Variants in MCIDAS observed in about 807,000 individuals in gnomAD.
MCIDAS encodes the protein multicilin.
MCIDAS carries 23 observed loss-of-function variants against 35.4 expected under a neutral mutation model. The observed-to-expected ratio is 0.65, with a 90% CI of 0.47 to 0.92. The LOEUF (loss-of-function observed/expected upper bound fraction) is 0.92. MCIDAS is among the 40% of genes least tolerant of loss of function. MCIDAS has a pLI of 0.00. For synonymous variants in MCIDAS, 228 were observed against 235.2 expected (o/e 0.97, Z 0.28); for missense variants, 480 against 531.8 (o/e 0.90, Z 0.96).
At chr5:55,220,873 A>G (rs902677750) in intron 6 of MCIDAS, 67 bp from the exon 7 acceptor site, 17 of 1,477,344 alleles carry the variant, frequency 1.2e-5, no homozygotes, top group Non-Finnish European at 1.4e-5. Flanking sequence ...AGCGTGCAAA[A>G]GGTGACCTAG....
chr5:55,226,706 C>G, intron 2 of MCIDAS, 39 bp from the exon 3 acceptor site: 1 of 1,441,310 alleles, frequency 6.9e-7, no homozygotes, highest in South Asian at 1.4e-5. Context: ...CGGGCGGGCC[C>G]TGAGCCTCTC....
chr5:55,226,729 A>G, intron 2 of MCIDAS, 62 bp from the exon 3 acceptor site: 1 of 1,419,570 alleles, frequency 7.0e-7, no homozygotes, highest in Non-Finnish European at 9.2e-7. Flanking sequence ...CCAGGCTCGC[A>G]GCTAGGACGT....
chr5:55,220,899 C>T lies in MCIDAS; in HGVS notation c.718-93G>A, dbSNP rs1745343305. On this transcript the variant is annotated intron_variant, in intron 6 of 6. Transcript: ENST00000513312. Reference sequence around the variant, plus strand: ...GGTGACCTAGGCGCGCTACGCACCACGCACTCAGCGGTACTCTCCTCTCCC... The same window carrying T: ...GGTGACCTAGGCGCGCTACGCACCATGCACTCAGCGGTACTCTCCTCTCCC... The T allele has an allele frequency of 3.4e-6, 5 of 1,449,646 alleles. No individual in the cohort carries two copies. In the South Asian group the frequency reaches 6.7e-5, roughly 19 times the overall value. 89.8% of individuals were successfully genotyped at this position (1,449,646 alleles called of 1,614,324 possible). A position where few individuals can be genotyped will look rare whatever the true frequency, so the allele number is the denominator to read the frequency against.
rs1745326516 is a variant in MCIDAS at position 55,220,331 on chromosome 5, A to T, written c.*35T>A. On this transcript the variant is annotated 3_prime_UTR_variant, in exon 7 of 7. Coordinates refer to ENST00000513312, the MANE Select transcript of MCIDAS (RefSeq NM_001190787.3). ...GAAGCCCCCAGGCACTTCAGTGGAAACACAGGGCAGTGTTTTGGGGGACCA... is the reference window on the plus strand; with the variant it reads ...GAAGCCCCCAGGCACTTCAGTGGAATCACAGGGCAGTGTTTTGGGGGACCA... 2 of 1,504,878 alleles carry T rather than the reference A, an allele frequency of 1.3e-6. 1 individual carries two copies. The allele number at this position is 1,504,878 out of a possible 1,614,324, so 93.2% of individuals were successfully genotyped here.
intron 3 of MCIDAS, among the ~76,000 whole-genome samples, chr5:55,224,357 TTAAAA>T (rs1386660052): frequency 5.3e-5 from 8 of 152,164 alleles, no homozygotes; most frequent in African/African-American, 1.9e-4. Flanking sequence ...TTCTTTACTA[TTAAAA>T]TATTTCTGGG....
chr5:55,222,402 G>A lies in MCIDAS; in HGVS notation c.383-3C>T. 1 of 1,475,976 alleles carries A rather than the reference G, an allele frequency of 6.8e-7. No individual in the cohort carries two copies. Among genetic ancestry groups the A allele is most frequent in the Non-Finnish European group, 9.0e-7 (1 of 1,116,376 alleles). 91.4% of individuals were successfully genotyped at this position (1,475,976 alleles called of 1,614,324 possible). ...AGGCGACATCATAGAGGATGAGTCT[G>A]GAGAAGAGCAGGAGCTGGATTTGCA... On this transcript the variant is annotated splice_region_variant and splice_polypyrimidine_tract_variant and intron_variant, in intron 4 of 6. Coordinates refer to ENST00000513312, the MANE Select transcript of MCIDAS (RefSeq NM_001190787.3).
chr5:55,220,582 G>A lies in MCIDAS; in HGVS notation c.942C>T (p.Thr314=). ...AGGCGCCATGCAGGTTCCCGGGCCT[G>A]GTGTCAGTATTCGCGGGCTCTGGCA... ...RLLPEPANTD[T]RPGNLHGAFR... Residue 314 remains threonine (T), a synonymous_variant, in exon 7 of 7, where the codon ACC becomes ACT. Transcript: ENST00000513312. The A allele has an allele frequency of 6.5e-7, 1 of 1,536,114 alleles. No homozygotes were observed. Among genetic ancestry groups the A allele is most frequent in the Non-Finnish European group, 8.7e-7 (1 of 1,146,874 alleles).
At chr5:55,226,718 G>A in intron 2 of MCIDAS, 51 bp from the exon 3 acceptor site, 1 of 1,424,170 alleles carries the variant, frequency 7.0e-7, no homozygotes, top group Non-Finnish European at 9.1e-7. Context: ...GAGCCTCTCC[G>A]CCAGGCTCGC....
rs1745338949 is a variant in MCIDAS, at chr5:55,220,746, CCTTG to C, written c.774_777del (p.Lys259ArgfsTer25). On this transcript the variant is annotated frameshift_variant, in exon 7 of 7. Transcript: ENST00000513312. LOFTEE classifies it high-confidence loss of function. ...TCCTCCAGGCTCCTTTTGGCCTTCGCCTTGAGCAGGAAGGGCTCGGCCGCCGCCC... is the reference window on the plus strand; with the variant it reads ...TCCTCCAGGCTCCTTTTGGCCTTCGCAGCAGGAAGGGCTCGGCCGCCGCCC... The C allele has an allele frequency of 1.3e-6, 2 of 1,535,218 alleles. No individual in the cohort carries two copies. The highest frequency in any genetic ancestry group is 1.7e-6 in the Non-Finnish European group (2 of 1,146,254).
At chr5:55,224,606 G>T (rs1745422639) in intron 3 of MCIDAS, among the ~76,000 whole-genome samples, 1 of 152,142 alleles carries the variant, frequency 6.6e-6, no homozygotes, top group Non-Finnish European at 1.5e-5. Flanking sequence ...TCTCCTCCTG[G>T]GTAGGGATTT....
In MCIDAS at chr5:55,226,590, G is replaced by A. The variant is rs562935255; in HGVS notation, c.295C>T (p.Leu99=). 14 of 1,532,140 alleles carry A rather than the reference G, an allele frequency of 9.1e-6. No individual in the cohort carries two copies. The South Asian group carries it at 1.7e-4, about 18-fold the overall frequency. 94.9% of individuals were successfully genotyped at this position (1,532,140 alleles called of 1,614,324 possible). ...LGSDAPPGGD[L]AASQNHSHQT... is the part of the protein sequence containing the mutation. ...AGGGGAGGTACCTGCGAGGCGGCCAGGTCACCACCAGGCGGCGCGTCGGAC... is the reference window on the plus strand; with the variant it reads ...AGGGGAGGTACCTGCGAGGCGGCCAAGTCACCACCAGGCGGCGCGTCGGAC... Residue 99 remains leucine, a synonymous_variant, in exon 3 of 7, where the codon CTG becomes TTG. Coordinates refer to ENST00000513312, the MANE Select transcript of MCIDAS (RefSeq NM_001190787.3).
chr5:55,221,157 A>T, intron 5 of MCIDAS, 31 bp from the exon 6 acceptor site: 1 of 1,492,836 alleles, frequency 6.7e-7, no homozygotes, highest in Non-Finnish European at 9.0e-7. Flanking sequence ...ATTCAGGGGT[A>T]GGTACTGTGC....
Position 55,223,026 on chromosome 5 carries a change from G to GA in MCIDAS, c.310-4dup, listed in dbSNP as rs747403512. 3 of 1,535,606 alleles carry GA rather than the reference G, an allele frequency of 2.0e-6. No homozygotes were observed. The highest frequency in any genetic ancestry group is 1.2e-5 in the South Asian group (1 of 84,020). ...GCTTCCGTTTGGTGGGAATGGTTCT[G>GA]AAAAAAACCAGAGGTGTACACTGGT... is the stretch of plus-strand genomic sequence containing the variant. On this transcript the variant is annotated splice_polypyrimidine_tract_variant and splice_region_variant and intron_variant, in intron 3 of 6. Coordinates refer to ENST00000513312, the MANE Select transcript of MCIDAS (RefSeq NM_001190787.3). This position sits in a 1 kb window ranked among gnomAD's most constrained non-coding sequence, Gnocchi z 4.4.
At position 55,222,290 on chromosome 5, in the gene MCIDAS, G is replaced by C; in HGVS notation, c.492C>G (p.Ala164=). 2 of 1,535,992 alleles carry C rather than the reference G, an allele frequency of 1.3e-6. No homozygotes were observed. The highest frequency in any genetic ancestry group is 1.4e-5 in the African/African-American group (1 of 73,172). The change falls in exon 5 of 7, where the codon GCC becomes GCG. Residue 164 remains alanine (A), a synonymous_variant. Transcript: ENST00000513312. ...GAGGGCGCAGCGGTGGTGACTGCAGGGCCCGTGGGTCCAGTGGCGGGGAGA... is the reference window on the plus strand; with the variant it reads ...GAGGGCGCAGCGGTGGTGACTGCAGCGCCCGTGGGTCCAGTGGCGGGGAGA... The part of the protein sequence containing the change: ...PCLSPPLDPR[A]LQSPPLRPPD...
In MCIDAS at chr5:55,220,537, G is replaced by T. The variant is rs1266219535; in HGVS notation, c.987C>A (p.Asp329Glu). The T allele has an allele frequency of 3.9e-6, 6 of 1,536,106 alleles. No homozygotes were observed. Among genetic ancestry groups the T allele is most frequent in the Non-Finnish European group, 5.2e-6 (6 of 1,146,902 alleles). Residue 329 changes from aspartate (D) to glutamate (E), a missense_variant, in exon 7 of 7, where the codon GAC (aspartate) becomes GAA (glutamate). Transcript: ENST00000513312. ...LHGAFRGLRTDCSRSALNLSH... is the reference protein window; with the variant it reads ...LHGAFRGLRTECSRSALNLSH... ...TCAGGTTCAACGCGCTCCGGCTGCA[G>T]TCTGTGCGCAGCCCCCGGAAGGCGC...
Position 55,223,234 on chromosome 5 carries a change from G to A in MCIDAS, c.310-211C>T, listed in dbSNP as rs1469574653. Among the ~76,000 whole-genome samples the A allele has an allele frequency of 2.0e-5, 3 of 151,300 alleles. No individual in the cohort carries two copies. The highest frequency in any genetic ancestry group is 3.4e-3 in the Middle Eastern group (1 of 292). On this transcript the variant is annotated intron_variant, in intron 3 of 6. Transcript: ENST00000513312. This position sits in a 1 kb window ranked among gnomAD's most constrained non-coding sequence, Gnocchi z 4.4. ...GACCAACAGACCTCCTCCCGGGCTC[G>A]GCGGCGGTCTGCTCGCACTTACGTC...
In MCIDAS at chr5:55,226,614, A is replaced by G. The variant is rs1745458883; in HGVS notation, c.271T>C (p.Ser91Pro). 6.5e-7 allele frequency: 1 copy of G among 1,532,738 alleles called. No individual in the cohort carries two copies. Among genetic ancestry groups the G allele is most frequent in the Non-Finnish European group, 8.7e-7 (1 of 1,145,462 alleles). 94.9% of individuals were successfully genotyped at this position (1,532,738 alleles called of 1,614,324 possible). The change falls in exon 3 of 7, where the codon TCC (serine) becomes CCC (proline). Residue 91 changes from serine (S) to proline (P), a missense_variant. Physicochemically the swap from Ser to Pro is moderately conservative, Grantham distance 74. Transcript: ENST00000513312. Reference sequence around the variant, plus strand: ...AGGTCACCACCAGGCGGCGCGTCGGACCCGAGTAGCGAAGAGCAGTCAGCG... The same window carrying G: ...AGGTCACCACCAGGCGGCGCGTCGGGCCCGAGTAGCGAAGAGCAGTCAGCG... Reference protein sequence around the residue: ...DLADCSSLLGSDAPPGGDLAA... With the variant: ...DLADCSSLLGPDAPPGGDLAA...
intron 3 of MCIDAS, among the ~76,000 whole-genome samples, chr5:55,224,043 G>A (rs1745412619): frequency 6.6e-6 from 1 of 152,076 alleles, no homozygotes; most frequent in South Asian, 2.1e-4. Context: ...ATACCAGTGT[G>A]GGAAGCGGCA....
At chr5:55,225,326 C>T (rs1745437583) in intron 3 of MCIDAS, among the ~76,000 whole-genome samples, 1 of 152,194 alleles carries the variant, frequency 6.6e-6, no homozygotes, top group Non-Finnish European at 1.5e-5. Flanking sequence ...GAGCATGATG[C>T]CAAATGTAGA....
Sources: gnomAD v4.1 joint callset for allele counts (sites outside exome capture counted in the v4.1 genomes callset) on GRCh38, gnomAD v4.1.1 for gene constraint, Gnocchi (gnomAD v3.1) non-coding constraint, MANE v1.5 for transcripts, NCBI Gene and HGNC (gene_info 2026-07-23, HGNC 2026-07-21) for gene names.